The following CD59 variants were observed in gnomAD, a reference collection of about 807,000 sequenced individuals.
CD59 encodes CD59 glycoprotein.
A neutral mutation model predicts 7.0 loss-of-function variants in CD59; 3 were observed. The ratio of observed to expected loss-of-function variants is 0.43; its 90% CI spans 0.19 to 1.10. The LOEUF (loss-of-function observed/expected upper bound fraction) is 1.10, where lower values mean the gene tolerates loss of function less well. CD59 is among the 50% of genes least tolerant of loss of function. CD59 has a pLI of 0.29. For synonymous variants in CD59, 60 were observed against 62.0 expected, an observed-to-expected ratio of 0.97 and a Z score of 0.15; for missense variants, 143 against 151.0, an observed-to-expected ratio of 0.95 and a Z score of 0.28.
intron 1 of CD59, chr11:33,722,952 T>C (rs1271177999): frequency 2.8e-6 from 3 of 1,061,826 alleles, no homozygotes; most frequent in African/African-American, 1.6e-5. Context: ...AGAAGTATAA[T>C]GGGGACACTT....
chr11:33,734,962 G>A (rs1376275459), intron 1 of CD59, among the ~76,000 whole-genome samples: 1 of 152,178 alleles, frequency 6.6e-6, no homozygotes, highest in Non-Finnish European at 1.5e-5. Context: ...AAGCCACTCA[G>A]CTAATGGGAT....
Position 33,722,401 on chromosome 11 carries a change from G to T in CD59, c.45C>A (p.Val15=). Residue 15 remains valine, a synonymous_variant, in exon 2 of 4, where the codon GTC becomes GTA. Coordinates refer to ENST00000642928, the MANE Select transcript of CD59 (RefSeq NM_000611.6). ...CACCTGAATGGCAGAAGACAGCCAG[G>T]ACGAGCAGCAGCCCGAACAGGACAG... The part of the protein sequence containing the change: ...GGSVLFGLLL[V]LAVFCHSGHS... 1 of 1,613,932 alleles carries T rather than the reference G, an allele frequency of 6.2e-7. No individual in the cohort carries two copies.
intron 1 of CD59, among the ~76,000 whole-genome samples, chr11:33,725,997 T>A (rs1209963273): frequency 1.3e-5 from 2 of 152,186 alleles, no homozygotes; most frequent in East Asian, 3.8e-4. Context: ...TAAATATATA[T>A]GCACCCAACA....
At chr11:33,726,072 A>G (rs1005518285) in intron 1 of CD59, among the ~76,000 whole-genome samples, 3 of 152,210 alleles carry the variant, frequency 2.0e-5, no homozygotes, top group Admixed American at 1.3e-4. Flanking sequence ...ATTTCCACAC[A>G]ATAATAGTGG....
intron 1 of CD59, among the ~76,000 whole-genome samples, chr11:33,726,786 T>C (rs1854272005): frequency 6.6e-6 from 1 of 151,382 alleles, no homozygotes; most frequent in African/African-American, 2.4e-5. Flanking sequence ...GCCAGACTAA[T>C]AAAGAAGGAA....
At chr11:33,710,578 C>T (rs1271118410) in intron 3 of CD59, among the ~76,000 whole-genome samples, 4 of 151,986 alleles carry the variant, frequency 2.6e-5, no homozygotes, top group Non-Finnish European at 4.4e-5. Context: ...GGGGGTGGGA[C>T]GGAGGAGGAA....
At chr11:33,735,546 T>C (rs17760694) in intron 1 of CD59, among the ~76,000 whole-genome samples, 21,312 of 152,076 alleles carry the variant, frequency 0.14, 1,968 homozygotes, top group Non-Finnish European at 0.2. Flanking sequence ...TGTTGTTTTT[T>C]GAAAAGTCAG....
chr11:33,708,781 G>C lies in CD59; in HGVS notation c.*1345C>G, dbSNP rs900365615. The C allele has an allele frequency of 6.6e-6, 1 of 152,146 alleles. No individual in the cohort carries two copies. Among genetic ancestry groups the C allele is most frequent in the African/African-American group, 2.4e-5 (1 of 41,428 alleles). The allele number at this position is 152,146 out of a possible 1,614,324, so 9.4% of individuals were successfully genotyped here. ...GTCTTCTTTCAGTTGCTACCATTAA[G>C]CATACTGCATATCCTTTTCGGCCAT... is the stretch of plus-strand genomic sequence containing the variant. On this transcript the variant is annotated 3_prime_UTR_variant, in exon 4 of 4. Coordinates refer to ENST00000642928, the MANE Select transcript of CD59 (RefSeq NM_000611.6).
At chr11:33,725,465 C>T (rs2133564510) in intron 1 of CD59, among the ~76,000 whole-genome samples, 1 of 152,262 alleles carries the variant, frequency 6.6e-6, no homozygotes, top group African/African-American at 2.4e-5. Flanking sequence ...GGGTTTGTCC[C>T]TAACGACTGT....
At chr11:33,730,589 C>G (rs1854387814) in intron 1 of CD59, among the ~76,000 whole-genome samples, 1 of 152,146 alleles carries the variant, frequency 6.6e-6, no homozygotes, top group Non-Finnish European at 1.5e-5. Flanking sequence ...GCAGTGAGCT[C>G]AAGTGTTGCA....
At position 33,730,376 on chromosome 11, in the gene CD59, T is replaced by C. The variant is rs560702793; in HGVS notation, c.-19+6006A>G. Among the ~76,000 whole-genome samples, 4 of 152,226 alleles carry C rather than the reference T, an allele frequency of 2.6e-5. No individual in the cohort carries two copies. In the South Asian group the frequency reaches 6.2e-4, roughly 24 times the overall value. On this transcript the variant is annotated intron_variant, in intron 1 of 3. Coordinates refer to ENST00000642928, the MANE Select transcript of CD59 (RefSeq NM_000611.6). Reference sequence around the variant, plus strand: ...GCTGCAGTGGGCCAAGACACACCACTGCACTCCCACCTGGGCGACAGAGTA... The same window carrying C: ...GCTGCAGTGGGCCAAGACACACCACCGCACTCCCACCTGGGCGACAGAGTA...
chr11:33,721,683 G>C (rs1265137599), intron 2 of CD59, among the ~76,000 whole-genome samples: 6 of 152,250 alleles, frequency 3.9e-5, no homozygotes, highest in East Asian at 1.9e-4. Context: ...GCTGAGGAGA[G>C]GGGGTGGCCC....
intron 1 of CD59, among the ~76,000 whole-genome samples, chr11:33,724,845 A>C (rs1334128446): frequency 6.6e-6 from 1 of 152,202 alleles, no homozygotes; most frequent in East Asian, 1.9e-4. Flanking sequence ...CCAAGACAGC[A>C]GAGAAAGGAA....
chr11:33,721,201 A>G (rs948593951), intron 2 of CD59, among the ~76,000 whole-genome samples: 2 of 152,210 alleles, frequency 1.3e-5, no homozygotes, highest in African/African-American at 4.8e-5. Context: ...GAATCACGGA[A>G]GGTGGGGAAG....
At position 33,719,030 on chromosome 11, in the gene CD59, G is replaced by A. The variant is rs551309858; in HGVS notation, c.68-1559C>T. 9 of 152,300 alleles carry A rather than the reference G, an allele frequency of 5.9e-5. No individual in the cohort carries two copies. In the South Asian group the frequency reaches 1.2e-3, roughly 21 times the overall value. The allele number at this position is 152,300 out of a possible 1,614,324, so 9.4% of individuals were successfully genotyped here. Reference sequence around the variant, plus strand: ...AAAGACATTTTCAAAGATGAAACACGTAAAATCTCACAAAAGAATGTCATG... The same window carrying A: ...AAAGACATTTTCAAAGATGAAACACATAAAATCTCACAAAAGAATGTCATG... On this transcript the variant is annotated intron_variant, in intron 2 of 3. Coordinates refer to ENST00000642928, the MANE Select transcript of CD59 (RefSeq NM_000611.6).
At chr11:33,719,993 G>GT (rs1052419227) in intron 2 of CD59, among the ~76,000 whole-genome samples, 26 of 152,216 alleles carry the variant, frequency 1.7e-4, no homozygotes, top group Non-Finnish European at 7.3e-5. Context: ...ATTTTAAAAG[G>GT]TTACCTGTAG....
At chr11:33,724,393 T>C (rs1168975839) in intron 1 of CD59, among the ~76,000 whole-genome samples, 1 of 152,204 alleles carries the variant, frequency 6.6e-6, no homozygotes, top group Non-Finnish European at 1.5e-5. Flanking sequence ...GGCATTCCAG[T>C]CCAATCTGGA....
intron 1 of CD59, among the ~76,000 whole-genome samples, chr11:33,728,626 C>G (rs1273728299): frequency 6.6e-6 from 1 of 152,114 alleles, no homozygotes; most frequent in African/African-American, 2.4e-5. Context: ...GACTTCATGA[C>G]TAAAACACCA....
At chr11:33,721,638 G>A (rs1854067859) in intron 2 of CD59, among the ~76,000 whole-genome samples, 4 of 152,180 alleles carry the variant, frequency 2.6e-5, no homozygotes, top group Admixed American at 2.6e-4. Context: ...TGACTCAGAA[G>A]CACACAATTT....
Sources: gnomAD v4.1 joint callset for allele counts (sites outside exome capture counted in the v4.1 genomes callset) on GRCh38, gnomAD v4.1.1 for gene constraint, MANE v1.5 for transcripts, NCBI Gene and HGNC (gene_info 2026-07-23, HGNC 2026-07-21) for gene names.